The following ACTR3C variants were observed in gnomAD, a reference collection of about 807,000 sequenced individuals.
ACTR3C encodes actin related protein 3C.
Under a neutral mutation model 26.3 loss-of-function variants are expected in ACTR3C, and 18 were observed. The ratio of observed to expected loss-of-function variants is 0.68; its 90% CI spans 0.47 to 1.01. The LOEUF is 1.01. Among genes scored for constraint, ACTR3C ranks in the 50% least tolerant of loss-of-function variants. The pLI is 0.00. For missense variants in ACTR3C, 184 were observed against 250.7 expected (o/e 0.73, Z 1.80); for synonymous variants, 55 against 94.5 (o/e 0.58, Z 2.42).
At chr7:150,126,913 C>A in the ACTR3C span, among the ~76,000 whole-genome samples, 1 of 152,292 alleles carries the variant, frequency 6.6e-6, no homozygotes, top group African/African-American at 2.4e-5. Flanking sequence ...CCTAAGAACT[C>A]CTGCCTTCTA....
the ACTR3C span, among the ~76,000 whole-genome samples, chr7:149,908,170 T>C: frequency 2.0e-5 from 3 of 152,290 alleles, no homozygotes; most frequent in East Asian, 5.8e-4. Flanking sequence ...GGCAGCCCTC[T>C]GCAGGCCGTG....
At chr7:150,000,278 G>A in the ACTR3C span, among the ~76,000 whole-genome samples, 1 of 147,098 alleles carries the variant, frequency 6.8e-6, no homozygotes, top group African/African-American at 2.5e-5. Flanking sequence ...AAAGCATAAA[G>A]GTATTGCCTC....
intron 1 of ACTR3C, among the ~76,000 whole-genome samples, chr7:150,311,239 C>T (rs1796294748): frequency 2.0e-5 from 3 of 152,206 alleles, no homozygotes; most frequent in Non-Finnish European, 4.4e-5. Flanking sequence ...CAACCTTTTT[C>T]CGTCCACACA....
At chr7:149,951,439 A>G in the ACTR3C span, among the ~76,000 whole-genome samples, 2 of 147,816 alleles carry the variant, frequency 1.4e-5, no homozygotes, top group Non-Finnish European at 2.9e-5. Context: ...TGGCTGGGCT[A>G]TATTTCTTTC....
chr7:149,947,092 C>T, the ACTR3C span, among the ~76,000 whole-genome samples: 5 of 151,802 alleles, frequency 3.3e-5, 1 homozygote, highest in African/African-American at 1.2e-4. Context: ...CCGGCTTCCC[C>T]ATGTCCTACA....
At chr7:149,941,879 C>A in the ACTR3C span, among the ~76,000 whole-genome samples, 2 of 152,072 alleles carry the variant, frequency 1.3e-5, no homozygotes, top group Non-Finnish European at 2.9e-5. Flanking sequence ...AGGCAAGGAT[C>A]GAGGGATTGT....
At chr7:149,939,155 T>C in the ACTR3C span, among the ~76,000 whole-genome samples, 1 of 152,064 alleles carries the variant, frequency 6.6e-6, no homozygotes, top group African/African-American at 2.4e-5. Flanking sequence ...TAATTTTGCA[T>C]TTTTAGTAGA....
the ACTR3C span, among the ~76,000 whole-genome samples, chr7:149,928,757 C>T: frequency 7.3e-5 from 11 of 151,390 alleles, no homozygotes; most frequent in South Asian, 2.1e-4. Flanking sequence ...GCAGGAGAAT[C>T]GCTTGAACCC....
At chr7:150,198,775 T>A in the ACTR3C span, among the ~76,000 whole-genome samples, 1 of 106,482 alleles carries the variant, frequency 9.4e-6, no homozygotes, top group African/African-American at 4.5e-5. Flanking sequence ...GCCCCCCGCC[T>A]GGCCAGCCGT....
At chr7:150,237,575 G>A in the ACTR3C span, among the ~76,000 whole-genome samples, 15 of 152,114 alleles carry the variant, frequency 9.9e-5, no homozygotes, top group African/African-American at 3.1e-4. Flanking sequence ...CTCATAGGGT[G>A]GTCACGGTAA....
the ACTR3C span, among the ~76,000 whole-genome samples, chr7:150,189,454 A>G: frequency 6.6e-6 from 1 of 151,330 alleles, no homozygotes; most frequent in African/African-American, 2.4e-5. Flanking sequence ...AATTTCGTAT[A>G]TTTTGACAAA....
At chr7:149,893,579 CACAG>C in the ACTR3C span, among the ~76,000 whole-genome samples, 1 of 152,194 alleles carries the variant, frequency 6.6e-6, no homozygotes, top group African/African-American at 2.4e-5. Context: ...GCTTCTAAGA[CACAG>C]ACAGGATTTG....
Position 150,249,071 on chromosome 7 carries a change from AC to A in ACTR3C, c.565-18del, listed in dbSNP as rs1832653869. 1 of 663,722 alleles carries A rather than the reference AC, an allele frequency of 1.5e-6. No homozygotes were observed. The highest frequency in any genetic ancestry group is 2.7e-5 in the East Asian group (1 of 36,460). 41.1% of individuals were successfully genotyped at this position (663,722 alleles called of 1,614,324 possible). A position where few individuals can be genotyped will look rare whatever the true frequency, so the allele number is the denominator to read the frequency against. ...TTGTTCCATCTGAAAAACAGAGAAA[AC>A]AGTTATAGGGCAGCAGAGTCTCATG... On this transcript the variant is annotated intron_variant, in intron 6 of 7. Transcript: ENST00000683684.
the ACTR3C span, among the ~76,000 whole-genome samples, chr7:149,887,166 A>G: frequency 6.6e-6 from 1 of 152,226 alleles, no homozygotes; most frequent in Non-Finnish European, 1.5e-5. Context: ...AGAAAAAAAG[A>G]AATCCAGAGG....
intron 1 of ACTR3C, among the ~76,000 whole-genome samples, chr7:150,313,237 T>C (rs776783075): frequency 6.6e-6 from 1 of 152,202 alleles, no homozygotes; most frequent in African/African-American, 2.4e-5. Flanking sequence ...ATAGCCTTAC[T>C]GCTCACACAA....
At chr7:150,133,564 C>A in the ACTR3C span, among the ~76,000 whole-genome samples, 1 of 151,990 alleles carries the variant, frequency 6.6e-6, no homozygotes, top group East Asian at 1.9e-4. Flanking sequence ...GGAATATGAC[C>A]CCAACTGCAA....
rs531706855 is a variant in ACTR3C, at chr7:150,295,180, T to G, written c.45+72A>C. ...CAGCGCAGTCTTCCAGCGGAGAACC[T>G]TGGGAAATACCATTTCTTCCGCTAC... On this transcript the variant is annotated intron_variant, in intron 2 of 7. Transcript: ENST00000683684. 1.5e-5 allele frequency: 24 copies of G among 1,562,234 alleles called. No homozygotes were observed. The South Asian group carries it at 2.6e-4, about 17-fold the overall frequency.
the ACTR3C span, among the ~76,000 whole-genome samples, chr7:149,914,429 C>T: frequency 6.6e-6 from 1 of 151,636 alleles, no homozygotes; most frequent in African/African-American, 2.4e-5. Flanking sequence ...CATCTTTATA[C>T]TAAAATACAA....
the ACTR3C span, among the ~76,000 whole-genome samples, chr7:150,216,428 T>TG: frequency 6.6e-5 from 10 of 151,108 alleles, no homozygotes; most frequent in African/African-American, 2.5e-4. Flanking sequence ...TTTTCTGGGG[T>TG]TGTGGGGGTG....
Sources: allele counts gnomAD v4.1 joint callset (sites outside exome capture counted in the v4.1 genomes callset), GRCh38; gene constraint gnomAD v4.1.1; transcripts MANE v1.5; gene names NCBI Gene and HGNC (gene_info 2026-07-23, HGNC 2026-07-21).